LMO7: variants seen among roughly 807,000 people sequenced by gnomAD.
The protein encoded by LMO7 is LIM domain 7, also known as LIM domain only protein 7.
A neutral mutation model predicts 206.5 loss-of-function variants in LMO7; 120 were observed. The observed-to-expected ratio is 0.58, with a 90% CI of 0.50 to 0.68. The LOEUF (loss-of-function observed/expected upper bound fraction) is 0.68. LMO7 is among the 30% of genes least tolerant of loss of function. The pLI is 0.00. For missense variants in LMO7, 1,959 were observed against 1,957.9 expected, an observed-to-expected ratio of 1.00 and a Z score of -0.01; for synonymous variants, 706 against 681.5, an observed-to-expected ratio of 1.04 and a Z score of -0.56.
intron 1 of LMO7, among the ~76,000 whole-genome samples, chr13:75,652,913 T>G (rs992852786): frequency 2.6e-5 from 4 of 152,042 alleles, no homozygotes; most frequent in African/African-American, 9.7e-5. Flanking sequence ...ATAAGAAAGA[T>G]AAACTAAACC....
chr13:75,752,701 C>T (rs193181016), intron 3 of LMO7, among the ~76,000 whole-genome samples: 42 of 152,238 alleles, frequency 2.8e-4, no homozygotes, highest in African/African-American at 9.2e-4. Context: ...CTTTCTGCAT[C>T]TGAGTTGTTT....
chr13:75,636,016 T>TCAGGGGCCCGGGAGAGGG (rs2035773943), upstream of LMO7: 1 of 153,436 alleles, frequency 6.5e-6, no homozygotes, highest in South Asian at 2.0e-4. Context: ...GGCGCCGCTC[T>TCAGGGGCCCGGGAGAGGG]CAGGGGCCCG....
chr13:75,781,333 T>TGATC (rs2051400142), intron 4 of LMO7, among the ~76,000 whole-genome samples: 1 of 125,024 alleles, frequency 8.0e-6, no homozygotes, highest in Non-Finnish European at 1.6e-5. Flanking sequence ...TGTGTCCATG[T>TGATC]GATCTCATTG....
At chr13:75,759,374 T>C (rs1304437304) in intron 3 of LMO7, among the ~76,000 whole-genome samples, 1 of 152,204 alleles carries the variant, frequency 6.6e-6, no homozygotes, top group African/African-American at 2.4e-5. Context: ...AACCATTAAT[T>C]TGTATCATTT....
intron 3 of LMO7, among the ~76,000 whole-genome samples, chr13:75,751,734 A>G (rs965135513): frequency 2.0e-5 from 3 of 152,182 alleles, no homozygotes; most frequent in African/African-American, 7.2e-5. Context: ...CACTGTTTAT[A>G]AAAGTGTCTT....
intron 1 of LMO7, among the ~76,000 whole-genome samples, chr13:75,643,693 G>A (rs1474586052): frequency 6.6e-6 from 1 of 152,196 alleles, no homozygotes; most frequent in Admixed American, 6.5e-5. Flanking sequence ...TCTTAATAGG[G>A]ATAATAGCTG....
At chr13:75,831,144 C>T (rs919143923) in intron 15 of LMO7, among the ~76,000 whole-genome samples, 1 of 152,112 alleles carries the variant, frequency 6.6e-6, no homozygotes, top group African/African-American at 2.4e-5. Context: ...TTCAGATTGG[C>T]ATTCATCAGG....
intron 1 of LMO7, among the ~76,000 whole-genome samples, chr13:75,682,302 C>T (rs1225303767): frequency 6.6e-6 from 1 of 152,190 alleles, no homozygotes; most frequent in Non-Finnish European, 1.5e-5. Context: ...TTAGCTACTT[C>T]TTCATGAATT....
chr13:75,744,643 T>C (rs1218338107), intron 3 of LMO7, among the ~76,000 whole-genome samples: 1 of 152,212 alleles, frequency 6.6e-6, no homozygotes, highest in African/African-American at 2.4e-5. Flanking sequence ...AAAACTGGTG[T>C]GAAGGCACTG....
intron 4 of LMO7, among the ~76,000 whole-genome samples, chr13:75,769,449 A>G (rs1468604253): frequency 1.3e-5 from 2 of 152,074 alleles, no homozygotes; most frequent in Non-Finnish European, 2.9e-5. Context: ...CTAAGAAAAC[A>G]TGTTCCCAAA....
chr13:75,647,663 A>C (rs1204252038), intron 1 of LMO7, among the ~76,000 whole-genome samples: 1 of 152,008 alleles, frequency 6.6e-6, no homozygotes, highest in African/African-American at 2.4e-5. Context: ...TTGGAGACAG[A>C]GAAGCAGAAA....
rs756144101 is a variant in LMO7 at position 75,853,208 on chromosome 13, C to T, written c.4481C>T (p.Pro1494Leu). 7.4e-6 allele frequency: 12 copies of T among 1,614,038 alleles called. No homozygotes were observed. Among genetic ancestry groups the T allele is most frequent in the Middle Eastern group, 1.6e-4 (1 of 6,084 alleles). ...TCCTCTGTGCAAGACTTTAGTCGCC[C>T]ACCACCTCAGCTGGTGTCCACATCA... Reference protein sequence around the residue: ...ASSSVQDFSRPPPQLVSTSNR... With the variant: ...ASSSVQDFSRLPPQLVSTSNR... The change falls in exon 28 of 31, where the codon CCA becomes CTA. Residue 1494 changes from proline to leucine, a missense_variant. By Grantham distance (98) the Pro-to-Leu change is moderately conservative. Coordinates refer to ENST00000377534, the MANE Select transcript of LMO7 (RefSeq NM_001306080.2).
At chr13:75,723,503 T>C (rs551244558) in intron 2 of LMO7, among the ~76,000 whole-genome samples, 1 of 152,316 alleles carries the variant, frequency 6.6e-6, no homozygotes, top group South Asian at 2.1e-4. Flanking sequence ...AGCTTTCTGA[T>C]AAAGGGAAAA....
intron 1 of LMO7, among the ~76,000 whole-genome samples, chr13:75,664,193 T>C (rs1191106584): frequency 6.6e-6 from 1 of 152,004 alleles, no homozygotes; most frequent in Non-Finnish European, 1.5e-5. Context: ...ATGAGTTCAA[T>C]TGTTTTAATT....
intron 3 of LMO7, among the ~76,000 whole-genome samples, chr13:75,756,003 A>G (rs773511517): frequency 2.6e-5 from 4 of 152,238 alleles, no homozygotes; most frequent in Non-Finnish European, 4.4e-5. Context: ...TAAGTAAATG[A>G]TGCTAGAACT....
At chr13:75,626,299 T>C (rs1023945472) in intron 2 of LMO7, among the ~76,000 whole-genome samples, 1 of 150,134 alleles carries the variant, frequency 6.7e-6, no homozygotes, top group Non-Finnish European at 1.5e-5. Context: ...GCTGGGGAGG[T>C]CTCAGAATCA....
chr13:75,656,595 A>G (rs946167925), intron 1 of LMO7, among the ~76,000 whole-genome samples: 2 of 152,150 alleles, frequency 1.3e-5, no homozygotes, highest in Non-Finnish European at 2.9e-5. Flanking sequence ...TGTCATAGTT[A>G]TGGTTTCTGG....
At chr13:75,785,040 T>C (rs560178494) in intron 4 of LMO7, among the ~76,000 whole-genome samples, 1 of 152,226 alleles carries the variant, frequency 6.6e-6, no homozygotes, top group South Asian at 2.1e-4. Flanking sequence ...ATATACAGGA[T>C]AGTGGAAAAT....
At chr13:75,719,300 T>G (rs2043823632) in intron 2 of LMO7, among the ~76,000 whole-genome samples, 1 of 152,152 alleles carries the variant, frequency 6.6e-6, no homozygotes, top group African/African-American at 2.4e-5. Flanking sequence ...TCTTTAGTGC[T>G]GAATAACGTT....
Sources: gnomAD v4.1 joint callset for allele counts (sites outside exome capture counted in the v4.1 genomes callset) on GRCh38, gnomAD v4.1.1 for gene constraint, MANE v1.5 for transcripts, NCBI Gene and HGNC (gene_info 2026-07-23, HGNC 2026-07-21) for gene names.